Variants in SPAG16 observed in about 807,000 individuals in gnomAD.
SPAG16 encodes sperm-associated antigen 16 protein.
Under a neutral mutation model 80.4 loss-of-function variants are expected in SPAG16, and 86 were observed. The observed-to-expected ratio is 1.07, with a 90% CI of 0.90 to 1.28. The LOEUF is 1.28. Ranked by LOEUF, SPAG16 falls within the 50% of genes most tolerant of loss-of-function variation. The pLI is 0.00. For missense variants in SPAG16, 870 were observed against 765.3 expected (o/e 1.14, Z -1.61); for synonymous variants, 294 against 265.9 (o/e 1.11, Z -1.03).
chr2:213,770,277 TTTTA>T (rs2069171253), intron 10 of SPAG16, among the ~76,000 whole-genome samples: 1 of 152,122 alleles, frequency 6.6e-6, no homozygotes, highest in South Asian at 2.1e-4. Context: ...GATATGTCAT[TTTTA>T]TTGGATAAAT....
At position 213,642,630 on chromosome 2, in the gene SPAG16, G is replaced by A. The variant is rs1411281630; in HGVS notation, c.1070+152540G>A. Reference sequence around the variant, plus strand: ...TGAAAAGAGAGACTGGTCTACCCCGGCTAAAATGGTGAAACCCCGTCTCTA... The same window carrying A: ...TGAAAAGAGAGACTGGTCTACCCCGACTAAAATGGTGAAACCCCGTCTCTA... On this transcript the variant is annotated intron_variant, in intron 10 of 15. Coordinates refer to ENST00000331683, the MANE Select transcript of SPAG16 (RefSeq NM_024532.5). 3.9e-5 allele frequency among the ~76,000 whole-genome samples: 2 copies of A among 51,102 alleles called. 1 individual carries two copies. The highest frequency in any genetic ancestry group is 7.8e-5 in the Non-Finnish European group (2 of 25,620). 33.5% of individuals were successfully genotyped at this position (51,102 alleles called of 152,430 possible).
chr2:213,725,170 C>A (rs1294333127), intron 10 of SPAG16, among the ~76,000 whole-genome samples: 1 of 152,016 alleles, frequency 6.6e-6, no homozygotes, highest in Non-Finnish European at 1.5e-5. Flanking sequence ...GCAGCTGGGA[C>A]CTCAGGTGTG....
intron 13 of SPAG16, among the ~76,000 whole-genome samples, chr2:214,054,014 C>T (rs1171757324): frequency 6.6e-6 from 1 of 151,552 alleles, no homozygotes; most frequent in South Asian, 2.1e-4. Flanking sequence ...TTTTTAAAAA[C>T]GGAGTCTCCC....
At chr2:214,026,832 C>G (rs984940517) in intron 13 of SPAG16, among the ~76,000 whole-genome samples, 1 of 151,454 alleles carries the variant, frequency 6.6e-6, no homozygotes, top group Non-Finnish European at 1.5e-5. Flanking sequence ...TAATTATGTA[C>G]TATACAATAT....
chr2:213,591,815 G>T (rs529186609), intron 10 of SPAG16, among the ~76,000 whole-genome samples: 58 of 152,218 alleles, frequency 3.8e-4, no homozygotes, highest in Admixed American at 1.4e-3. Flanking sequence ...GCTGAAGACA[G>T]GCCAGGAGAT....
rs542151946 is a variant in SPAG16 at position 213,410,055 on chromosome 2, T to C, written c.942+34936T>C. ...TGGGAAGGACCCTACCTTGTGCTGC[T>C]AACCACCGAGACTGCTGTTCGTACA... On this transcript the variant is annotated intron_variant, in intron 9 of 15. Coordinates refer to ENST00000331683, the MANE Select transcript of SPAG16 (RefSeq NM_024532.5). 5.5e-5 allele frequency among the ~76,000 whole-genome samples: 8 copies of C among 144,966 alleles called. No homozygotes were observed. In the South Asian group the frequency reaches 1.8e-3, roughly 33 times the overall value.
chr2:213,594,862 A>G (rs1186808621), intron 10 of SPAG16, among the ~76,000 whole-genome samples: 2 of 152,156 alleles, frequency 1.3e-5, no homozygotes, highest in East Asian at 3.8e-4. Flanking sequence ...GTTTCAAAGT[A>G]CATTTTTTTG....
chr2:213,918,845 C>G (rs1033769558), intron 11 of SPAG16, among the ~76,000 whole-genome samples: 1 of 151,422 alleles, frequency 6.6e-6, no homozygotes, highest in African/African-American at 2.4e-5. Flanking sequence ...CATTTTTTTT[C>G]CTGGGTTCAG....
At chr2:214,382,863 G>T (rs1700528544) in intron 15 of SPAG16, among the ~76,000 whole-genome samples, 3 of 152,146 alleles carry the variant, frequency 2.0e-5, no homozygotes, top group Admixed American at 2.0e-4. Flanking sequence ...GCTTGTTTGG[G>T]CTTCTGCCTC....
intron 15 of SPAG16, among the ~76,000 whole-genome samples, chr2:214,345,388 T>A (rs1406632128): frequency 1.3e-5 from 2 of 152,174 alleles, no homozygotes; most frequent in Non-Finnish European, 2.9e-5. Flanking sequence ...TGACAAACAA[T>A]TCAGCCCGCT....
chr2:213,352,026 A>G (rs972427571), intron 7 of SPAG16, among the ~76,000 whole-genome samples: 1 of 151,928 alleles, frequency 6.6e-6, no homozygotes, highest in Non-Finnish European at 1.5e-5. Flanking sequence ...TGGTGGTTGT[A>G]TAAGCGTCTG....
At chr2:213,893,670 C>T (rs1665735078) in intron 11 of SPAG16, among the ~76,000 whole-genome samples, 1 of 151,634 alleles carries the variant, frequency 6.6e-6, no homozygotes, top group African/African-American at 2.4e-5. Flanking sequence ...CTTGTCATAT[C>T]TGTAAAATAA....
At chr2:213,916,651 A>G (rs1466183749) in intron 11 of SPAG16, among the ~76,000 whole-genome samples, 1 of 152,110 alleles carries the variant, frequency 6.6e-6, no homozygotes, top group Non-Finnish European at 1.5e-5. Context: ...TGATTTAATT[A>G]CTTCCCACCT....
At chr2:213,310,984 C>T (rs923310258) in intron 4 of SPAG16, among the ~76,000 whole-genome samples, 2 of 151,592 alleles carry the variant, frequency 1.3e-5, no homozygotes, top group Non-Finnish European at 3.0e-5. Context: ...GGATAATTTG[C>T]GATTTTTACT....
intron 13 of SPAG16, among the ~76,000 whole-genome samples, chr2:214,046,224 A>C (rs1559730851): frequency 1.3e-5 from 2 of 152,192 alleles, no homozygotes; most frequent in Non-Finnish European, 2.9e-5. Context: ...CTCCCAGCAA[A>C]GAAAGTCCAG....
At chr2:213,887,973 TAG>T (rs1487151720) in intron 11 of SPAG16, among the ~76,000 whole-genome samples, 8 of 151,766 alleles carry the variant, frequency 5.3e-5, no homozygotes, top group African/African-American at 1.9e-4. Context: ...TTTAGAAAGA[TAG>T]AGTTATTGTT....
At chr2:213,296,474 A>G (rs1399316214) in intron 2 of SPAG16, among the ~76,000 whole-genome samples, 1 of 152,152 alleles carries the variant, frequency 6.6e-6, no homozygotes, top group Non-Finnish European at 1.5e-5. Flanking sequence ...GCTCAGTTGA[A>G]GCGGAGGCCT....
chr2:214,371,156 C>T (rs1699790211), intron 15 of SPAG16, among the ~76,000 whole-genome samples: 2 of 152,134 alleles, frequency 1.3e-5, no homozygotes, highest in Non-Finnish European at 2.9e-5. Flanking sequence ...TGAGGACATT[C>T]TTCAGTGAGG....
chr2:213,550,611 T>C (rs1003249833), intron 10 of SPAG16, among the ~76,000 whole-genome samples: 16 of 152,192 alleles, frequency 1.1e-4, no homozygotes, highest in Non-Finnish European at 1.9e-4. Context: ...AAGAAATTCT[T>C]GCCATTTTCA....
Sources: allele counts gnomAD v4.1 joint callset (sites outside exome capture counted in the v4.1 genomes callset), GRCh38; gene constraint gnomAD v4.1.1; transcripts MANE v1.5; gene names NCBI Gene and HGNC (gene_info 2026-07-23, HGNC 2026-07-21).